TGM2: variants seen among roughly 807,000 people sequenced by gnomAD.
TGM2 encodes the protein protein-glutamine gamma-glutamyltransferase 2.
In TGM2, 53 loss-of-function variants were observed where a neutral mutation model predicts 75.6. The observed-to-expected ratio is 0.70, with a 90% confidence interval of 0.56 to 0.88. The LOEUF (loss-of-function observed/expected upper bound fraction) is 0.88. Ranked by LOEUF, TGM2 falls within the 40% of genes least tolerant of loss-of-function variation. The pLI, the probability that TGM2 is intolerant of heterozygous loss-of-function variation, is 0.00. For synonymous variants in TGM2, 374 were observed against 381.1 expected, an observed-to-expected ratio of 0.98 and a Z score of 0.22; for missense variants, 842 against 928.5, an observed-to-expected ratio of 0.91 and a Z score of 1.21.
chr20:38,141,256 T>G (rs2074968618), intron 8 of TGM2, 26 bp downstream of exon 8: 1 of 1,538,756 alleles, frequency 6.5e-7, no homozygotes, highest in African/African-American at 1.4e-5. Flanking sequence ...CCCATCTGTT[T>G]GACGCGACAG....
chr20:38,143,449 A>C (rs762759850), intron 6 of TGM2, among the ~76,000 whole-genome samples: 3 of 152,268 alleles, frequency 2.0e-5, no homozygotes, highest in Non-Finnish European at 4.4e-5. Context: ...GTCCGGAGGG[A>C]GGGCCCTGCA....
chr20:38,154,797 G>A (rs1234621038), intron 3 of TGM2, among the ~76,000 whole-genome samples: 1 of 151,786 alleles, frequency 6.6e-6, no homozygotes, highest in East Asian at 1.9e-4. Flanking sequence ...CAGTCTGGGT[G>A]AGATTTAAAA....
intron 12 of TGM2, 73 bp downstream of exon 12, chr20:38,131,019 TA>T: frequency 6.2e-7 from 1 of 1,600,446 alleles, no homozygotes; most frequent in East Asian, 2.2e-5. Flanking sequence ...GCTTGGTACC[TA>T]AGGACAGTCT....
chr20:38,131,090 T>C lies in TGM2; in HGVS notation c.1913+3A>G, dbSNP rs764210400. The C allele has an allele frequency of 5.0e-6, 8 of 1,611,888 alleles. No homozygotes were observed. In the South Asian group the frequency reaches 7.7e-5, roughly 15 times the overall value. ...CCCCAAAGCTAGAGCAGCCAGCACT[T>C]ACATCTCCACCGTCTTCTGCTCCTC... On this transcript the variant is annotated splice_donor_region_variant and intron_variant, in intron 12 of 12. Coordinates refer to ENST00000361475, the MANE Select transcript of TGM2 (RefSeq NM_004613.4).
chr20:38,155,777 A>G (rs2122951989), intron 3 of TGM2, 70 bp downstream of exon 3: 1 of 1,534,524 alleles, frequency 6.5e-7, no homozygotes, highest in Non-Finnish European at 8.8e-7. Context: ...TCTCACCTCC[A>G]GTAGCCTCCT....
intron 6 of TGM2, among the ~76,000 whole-genome samples, chr20:38,143,740 A>G (rs2075008156): frequency 6.6e-6 from 1 of 152,276 alleles, no homozygotes; most frequent in South Asian, 2.1e-4. Context: ...TAAAAAATGA[A>G]GAGAAACAAG....
chr20:38,143,364 A>G (rs958343595), intron 6 of TGM2, among the ~76,000 whole-genome samples: 1 of 152,186 alleles, frequency 6.6e-6, no homozygotes, highest in African/African-American at 2.4e-5. Flanking sequence ...ACTCATCATC[A>G]TTCCCAATGT....
Position 38,161,470 on chromosome 20 carries a change from C to T in TGM2, c.140G>A (p.Gly47Asp), listed in dbSNP as rs1333748414. Residue 47 changes from glycine to aspartate, a missense_variant, in exon 2 of 13, where the codon GGC (glycine) becomes GAC (aspartate). Physicochemically the swap from Gly to Asp is moderately conservative, Grantham distance 94. Transcript: ENST00000361475. Reference sequence around the variant, plus strand: ...GTCTACACTGGCCTCGTAGTTGCGGCCCTCAAAGTGCAGGGTCAGCCAGAA... The same window carrying T: ...GTCTACACTGGCCTCGTAGTTGCGGTCCTCAAAGTGCAGGGTCAGCCAGAA... ...QPFWLTLHFE[G>D]RNYEASVDSL... 16 of 1,614,026 alleles carry T rather than the reference C, an allele frequency of 9.9e-6. No homozygotes were observed. The highest frequency in any genetic ancestry group is 1.3e-5 in the Non-Finnish European group (15 of 1,180,032).
Position 38,146,723 on chromosome 20 carries a change from AG to A in TGM2, c.852del (p.Cys285AlafsTer4), listed in dbSNP as rs1234607871. ...YGQCWVFAAV[A>X]CTVLRCLGIP... ...ATCCCAGCGTGCAGCTCACCTGTGC[AG>A]GCCACGGCGGCGAAGACCCAGCACT... On this transcript the variant is annotated frameshift_variant, in exon 6 of 13. Transcript: ENST00000361475. LOFTEE classifies it high-confidence loss of function. 6.2e-7 allele frequency: 1 copy of A among 1,612,986 alleles called. No homozygotes were observed. The highest frequency in any genetic ancestry group is 1.1e-5 in the South Asian group (1 of 91,050).
At chr20:38,137,622 A>G (rs763593594) in intron 10 of TGM2, among the ~76,000 whole-genome samples, 1 of 152,164 alleles carries the variant, frequency 6.6e-6, no homozygotes, top group Non-Finnish European at 1.5e-5. Flanking sequence ...GGCACTTTCC[A>G]AGGCGCTGGG....
Position 38,128,653 on chromosome 20 carries a change from A to G in TGM2, c.*1566T>C, listed in dbSNP as rs772766763. The G allele has an allele frequency of 5.9e-5, 9 of 152,248 alleles. No individual in the cohort carries two copies. Among genetic ancestry groups the G allele is most frequent in the Admixed American group, 2.6e-4 (4 of 15,278 alleles). The allele number at this position is 152,248 out of a possible 1,614,324, so 9.4% of individuals were successfully genotyped here. Reference sequence around the variant, plus strand: ...CAAAGCAGAAAGTTCTAAATGCAACAGCATGATTCTCTCCAAGTCCTTCCC... The same window carrying G: ...CAAAGCAGAAAGTTCTAAATGCAACGGCATGATTCTCTCCAAGTCCTTCCC... On this transcript the variant is annotated 3_prime_UTR_variant, in exon 13 of 13. Transcript: ENST00000361475.
At chr20:38,144,589 C>T (rs1385428016) in intron 6 of TGM2, among the ~76,000 whole-genome samples, 1 of 152,184 alleles carries the variant, frequency 6.6e-6, no homozygotes, top group African/African-American at 2.4e-5. Context: ...GTGATCTCTC[C>T]CTGGTATTAA....
At position 38,142,052 on chromosome 20, in the gene TGM2, C is replaced by T. The variant is rs1299166514; in HGVS notation, c.995+12G>A. 3.1e-6 allele frequency: 5 copies of T among 1,614,074 alleles called. No individual in the cohort carries two copies. Among genetic ancestry groups the T allele is most frequent in the South Asian group, 1.1e-5 (1 of 91,074 alleles). On this transcript the variant is annotated intron_variant, in intron 7 of 12. Transcript: ENST00000361475. The stretch of plus-strand genomic sequence containing the variant: ...CTACTGGGCTCCGATCCCACCCTGG[C>T]CCCCACCTCACCAGATCATCTCGCT...
intron 11 of TGM2, among the ~76,000 whole-genome samples, 156 bp downstream of exon 11, chr20:38,132,184 T>TGCTTTTCTTCGATGAG (rs1372835039): frequency 1.3e-5 from 2 of 152,162 alleles, no homozygotes; most frequent in Non-Finnish European, 2.9e-5. Flanking sequence ...GGCTTCATGA[T>TGCTTTTCTTCGATGAG]GCTTTTCTTC....
rs1170328247 is a variant in TGM2 at position 38,150,974 on chromosome 20, T to C, written c.517A>G (p.Lys173Glu). Reference sequence around the variant, plus strand: ...TTCCAAGGTATGTTCTTGATGAACTTGGCCGAGCCCTGGTAGATAAAGCCC... The same window carrying C: ...TTCCAAGGTATGTTCTTGATGAACTCGGCCGAGCCCTGGTAGATAAAGCCC... The part of the protein sequence containing the change: ...QQGFIYQGSA[K>E]FIKNIPWNFG... The change falls in exon 4 of 13, where the codon AAG (lysine) becomes GAG (glutamate). Residue 173 changes from lysine to glutamate, a missense_variant. By Grantham distance (56) the Lys-to-Glu change is moderately conservative. Transcript: ENST00000361475. 2 of 1,614,204 alleles carry C rather than the reference T, an allele frequency of 1.2e-6. No individual in the cohort carries two copies. Among genetic ancestry groups the C allele is most frequent in the Non-Finnish European group, 1.7e-6 (2 of 1,180,018 alleles).
chr20:38,132,743 G>C (rs751952325), intron 10 of TGM2: 6 of 625,352 alleles, frequency 9.6e-6, no homozygotes, highest in Non-Finnish European at 1.8e-5. Context: ...TTCTAATCCT[G>C]CCTTTGCCTC....
rs199659014 is a variant in TGM2 at position 38,141,405 on chromosome 20, G to A, written c.996-20C>T. 14 of 1,538,374 alleles carry A rather than the reference G, an allele frequency of 9.1e-6. No individual in the cohort carries two copies. Among genetic ancestry groups the A allele is most frequent in the East Asian group, 4.8e-5 (2 of 41,896 alleles). ...AAGTTCCTGAGGGGGATAGGGGGGC[G>A]GGAATGAAGCAGAACATGAGCAACA... On this transcript the variant is annotated intron_variant, in intron 7 of 12. Transcript: ENST00000361475.
chr20:38,145,116 G>A (rs553645379), intron 6 of TGM2, among the ~76,000 whole-genome samples: 26 of 152,270 alleles, frequency 1.7e-4, no homozygotes, highest in African/African-American at 6.0e-4. Flanking sequence ...CAGAGGTCAC[G>A]GGGAACAGGC....
rs370198656 is a variant in TGM2 at position 38,161,381 on chromosome 20, T to C, written c.190+39A>G. 3.4e-4 allele frequency: 549 copies of C among 1,607,636 alleles called. 6 individuals carry two copies. In the South Asian group the frequency reaches 5.7e-3, roughly 17 times the overall value. On this transcript the variant is annotated intron_variant, in intron 2 of 12. Coordinates refer to ENST00000361475, the MANE Select transcript of TGM2 (RefSeq NM_004613.4). The stretch of plus-strand genomic sequence containing the variant: ...TGTCGGGGTGGAGAGGAAGTGGTGG[T>C]GGTGGTGGTGGTGGTGGAGTGGGGT...
Sources: gnomAD v4.1 joint callset for allele counts (sites outside exome capture counted in the v4.1 genomes callset) on GRCh38, gnomAD v4.1.1 for gene constraint, MANE v1.5 for transcripts, NCBI Gene and HGNC (gene_info 2026-07-23, HGNC 2026-07-21) for gene names.